Variants in SHROOM3 observed in about 807,000 individuals in gnomAD.
SHROOM3 encodes the protein protein Shroom3.
A neutral mutation model predicts 138.6 loss-of-function variants in SHROOM3; 47 were observed. The ratio of observed to expected loss-of-function variants is 0.34; its 90% CI spans 0.27 to 0.43. The LOEUF (loss-of-function observed/expected upper bound fraction) is 0.43. SHROOM3 is among the 20% of genes least tolerant of loss of function. The pLI, the probability that SHROOM3 is intolerant of heterozygous loss-of-function variation, is 1.00. For synonymous variants in SHROOM3, 1,062 were observed against 1,063.3 expected, an observed-to-expected ratio of 1.00 and a Z score of 0.02; for missense variants, 2,491 against 2,596.5, an observed-to-expected ratio of 0.96 and a Z score of 0.88.
intron 5 of SHROOM3, among the ~76,000 whole-genome samples, chr4:76,746,857 C>A (rs1249666645): frequency 1.3e-5 from 2 of 150,680 alleles, no homozygotes; most frequent in African/African-American, 4.9e-5. Context: ...CGCTCAGTCA[C>A]CCAGGCTGGA....
At chr4:76,443,191 T>G (rs1307474546) in intron 1 of SHROOM3, among the ~76,000 whole-genome samples, 3 of 152,212 alleles carry the variant, frequency 2.0e-5, no homozygotes, top group Non-Finnish European at 4.4e-5. Context: ...TAGTACAAAT[T>G]AATTTTGATA....
intron 1 of SHROOM3, among the ~76,000 whole-genome samples, chr4:76,471,246 C>CT (rs1310668142): frequency 0.033 from 4,599 of 141,416 alleles, 141 homozygotes; most frequent in African/African-American, 0.072. Context: ...TCCTTTCTTT[C>CT]TTTTTTTTTT....
intron 2 of SHROOM3, among the ~76,000 whole-genome samples, chr4:76,663,672 G>C (rs1018928131): frequency 3.3e-5 from 5 of 152,128 alleles, no homozygotes; most frequent in Non-Finnish European, 5.9e-5. Flanking sequence ...TGGGATTATA[G>C]GTGCACACTG....
rs922024869 is a variant in SHROOM3, at chr4:76,707,777, GT to G, written c.324-2371del. Among the ~76,000 whole-genome samples the G allele has an allele frequency of 3.3e-5, 5 of 151,800 alleles. No individual in the cohort carries two copies. In the South Asian group the frequency reaches 6.3e-4, roughly 19 times the overall value. ...TATTTTCCACCTCGGTTCACTATGG[GT>G]TTTTTTTCTTTTTTTTTAATATAAT... is the stretch of plus-strand genomic sequence containing the variant. On this transcript the variant is annotated intron_variant, in intron 2 of 10. Transcript: ENST00000296043.
intron 2 of SHROOM3, among the ~76,000 whole-genome samples, chr4:76,660,439 G>A (rs1462671448): frequency 6.6e-6 from 1 of 152,020 alleles, no homozygotes; most frequent in African/African-American, 2.4e-5. Flanking sequence ...GCGATAACTA[G>A]TCTATCACAT....
chr4:76,441,095 T>G (rs868857052), intron 1 of SHROOM3, among the ~76,000 whole-genome samples: 2 of 132,386 alleles, frequency 1.5e-5, no homozygotes, highest in African/African-American at 5.7e-5. Flanking sequence ...TGTTTTTTTT[T>G]TTTTTTTTTT....
intron 7 of SHROOM3, among the ~76,000 whole-genome samples, chr4:76,755,886 A>G (rs1721793829): frequency 6.6e-6 from 1 of 152,210 alleles, no homozygotes; most frequent in Non-Finnish European, 1.5e-5. Context: ...TAGAACAAGT[A>G]ATCTCTCAAA....
intron 2 of SHROOM3, among the ~76,000 whole-genome samples, chr4:76,661,364 G>T (rs1009943470): frequency 6.6e-6 from 1 of 152,064 alleles, no homozygotes; most frequent in African/African-American, 2.4e-5. Context: ...CAAGTAGCTG[G>T]GAATACAAGC....
intron 10 of SHROOM3, among the ~76,000 whole-genome samples, chr4:76,778,059 A>T (rs1408699124): frequency 6.6e-6 from 1 of 152,134 alleles, no homozygotes; most frequent in Non-Finnish European, 1.5e-5. Context: ...GCTTGTTAAA[A>T]CAGGTTGCTG....
chr4:76,520,784 T>C (rs534312374), intron 1 of SHROOM3, among the ~76,000 whole-genome samples: 2 of 152,324 alleles, frequency 1.3e-5, no homozygotes, highest in East Asian at 3.9e-4. Flanking sequence ...CTTCTAAACA[T>C]TGACGCAAAG....
At chr4:76,508,363 A>G (rs72659726) in intron 1 of SHROOM3, among the ~76,000 whole-genome samples, 18,541 of 152,200 alleles carry the variant, frequency 0.12, 1,369 homozygotes, top group East Asian at 0.25. Context: ...TCAGTTGACC[A>G]TAAGTATGAG....
chr4:76,752,573 G>GGGT (rs1403981414), intron 6 of SHROOM3, among the ~76,000 whole-genome samples: 2 of 151,630 alleles, frequency 1.3e-5, no homozygotes, highest in African/African-American at 4.8e-5. Flanking sequence ...AGCAGACTCT[G>GGGT]GGTGACCCTC....
At chr4:76,550,569 T>G (rs1414489210) in intron 1 of SHROOM3, among the ~76,000 whole-genome samples, 1 of 152,174 alleles carries the variant, frequency 6.6e-6, no homozygotes, top group Non-Finnish European at 1.5e-5. Context: ...TGAAGAAAGC[T>G]TCTAAAAATC....
At chr4:76,713,215 A>C in intron 3 of SHROOM3, among the ~76,000 whole-genome samples, 1 of 152,304 alleles carries the variant, frequency 6.6e-6, no homozygotes, top group East Asian at 1.9e-4. Flanking sequence ...TAAACTTTTA[A>C]ACTTTTAAAA....
At chr4:76,617,444 A>G (rs1307211328) in intron 2 of SHROOM3, among the ~76,000 whole-genome samples, 1 of 152,382 alleles carries the variant, frequency 6.6e-6, no homozygotes, top group African/African-American at 2.4e-5. Context: ...TAATGCTTTA[A>G]CTGAATATTT....
At chr4:76,690,849 A>G (rs1300218656) in intron 2 of SHROOM3, among the ~76,000 whole-genome samples, 1 of 151,982 alleles carries the variant, frequency 6.6e-6, no homozygotes, top group East Asian at 1.9e-4. Context: ...TCAGCTATGG[A>G]CTTTTTTTTT....
chr4:76,732,142 C>G (rs1196617434), intron 4 of SHROOM3, among the ~76,000 whole-genome samples: 4 of 152,178 alleles, frequency 2.6e-5, no homozygotes, highest in Admixed American at 6.5e-5. Flanking sequence ...GGGAGTTAGA[C>G]TCCGTAGCTT....
intron 1 of SHROOM3, among the ~76,000 whole-genome samples, chr4:76,533,420 G>A (rs1289264832): frequency 1.3e-5 from 2 of 152,172 alleles, no homozygotes; most frequent in Non-Finnish European, 2.9e-5. Flanking sequence ...CTCAATGGCA[G>A]ATGTCACTGG....
chr4:76,571,017 C>T (rs922152807), intron 2 of SHROOM3, among the ~76,000 whole-genome samples: 3 of 152,174 alleles, frequency 2.0e-5, no homozygotes, highest in Admixed American at 6.5e-5. Context: ...AGTTTAGGAT[C>T]CTACTTACAG....
Sources: allele counts gnomAD v4.1 joint callset (sites outside exome capture counted in the v4.1 genomes callset), GRCh38; gene constraint gnomAD v4.1.1; transcripts MANE v1.5; gene names NCBI Gene and HGNC (gene_info 2026-07-23, HGNC 2026-07-21).